DAB1: variants seen among roughly 807,000 people sequenced by gnomAD.
DAB1 encodes DAB adaptor protein 1.
A neutral mutation model predicts 64.6 loss-of-function variants in DAB1; 15 were observed. That is an observed-to-expected ratio of 0.23 (90% CI 0.16 to 0.36). DAB1 has a LOEUF of 0.36. DAB1 is among the 10% of genes least tolerant of loss of function. The probability of loss-of-function intolerance (pLI) is 1.00; values close to 1 mark genes in which losing one functional copy is unlikely to be tolerated. For missense variants in DAB1, 596 were observed against 706.7 expected (o/e 0.84, Z 1.78); for synonymous variants, 235 against 251.9 (o/e 0.93, Z 0.64).
At chr1:58,233,547 A>T (rs1467231076) in intron 4 of DAB1, among the ~76,000 whole-genome samples, 3 of 152,212 alleles carry the variant, frequency 2.0e-5, no homozygotes, top group Non-Finnish European at 4.4e-5. Context: ...GCCCTTACCC[A>T]GGTCTTTTCA....
chr1:58,081,194 C>T (rs958373308), intron 5 of DAB1, among the ~76,000 whole-genome samples: 20 of 152,102 alleles, frequency 1.3e-4, no homozygotes, highest in African/African-American at 4.8e-5. Flanking sequence ...TTTGTATGAC[C>T]CTAAAAAAGT....
At chr1:58,038,717 C>G (rs1570262657) in intron 5 of DAB1, among the ~76,000 whole-genome samples, 1 of 152,164 alleles carries the variant, frequency 6.6e-6, no homozygotes, top group African/African-American at 2.4e-5. Context: ...CACATCAGAT[C>G]TTCAGGGTAG....
At chr1:57,206,418 A>G (rs1665540406) in intron 2 of DAB1, among the ~76,000 whole-genome samples, 1 of 152,194 alleles carries the variant, frequency 6.6e-6, no homozygotes, top group Non-Finnish European at 1.5e-5. Context: ...AAGATTTGTA[A>G]TATGGAAACA....
At chr1:57,804,250 G>A (rs1281720916) in intron 6 of DAB1, among the ~76,000 whole-genome samples, 2 of 152,158 alleles carry the variant, frequency 1.3e-5, no homozygotes, top group Non-Finnish European at 2.9e-5. Flanking sequence ...GAACTTAACC[G>A]TTTTCTTAGG....
intron 6 of DAB1, among the ~76,000 whole-genome samples, chr1:57,795,724 TATATATATATC>T: frequency 8.3e-6 from 1 of 120,110 alleles, no homozygotes; most frequent in Non-Finnish European, 1.7e-5. Flanking sequence ...TATATATATA[TATATATATATC>T]ATACACATGT....
chr1:57,191,587 T>C (rs147369207), intron 2 of DAB1, among the ~76,000 whole-genome samples: 255 of 152,214 alleles, frequency 1.7e-3, no homozygotes, highest in African/African-American at 6.0e-3. Context: ...AAATAGAAAG[T>C]TTAACAGTGT....
intron 6 of DAB1, among the ~76,000 whole-genome samples, chr1:57,657,714 G>T (rs559194528): frequency 6.6e-6 from 1 of 152,260 alleles, no homozygotes; most frequent in Middle Eastern, 3.4e-3. Context: ...CACCCCAAAA[G>T]AATACGTTCA....
At chr1:58,145,077 C>G (rs1654512461) in intron 5 of DAB1, among the ~76,000 whole-genome samples, 1 of 152,300 alleles carries the variant, frequency 6.6e-6, no homozygotes, top group South Asian at 2.1e-4. Flanking sequence ...GAGACGGAAA[C>G]CTTTTGTACT....
intron 2 of DAB1, among the ~76,000 whole-genome samples, chr1:57,246,665 C>T (rs693942): frequency 6.6e-6 from 1 of 151,940 alleles, no homozygotes; most frequent in East Asian, 1.9e-4. Context: ...CCACTGACAG[C>T]TTGCATGTGT....
chr1:57,582,498 C>T (rs1015832233), intron 7 of DAB1, among the ~76,000 whole-genome samples: 1 of 152,216 alleles, frequency 6.6e-6, no homozygotes, highest in Non-Finnish European at 1.5e-5. Context: ...AACTAGATCA[C>T]TTCCCAAAGA....
chr1:58,206,135 G>A (rs1414237378), intron 4 of DAB1, among the ~76,000 whole-genome samples: 2 of 152,196 alleles, frequency 1.3e-5, no homozygotes, highest in South Asian at 2.1e-4. Context: ...CAGGGTGGTC[G>A]AGGCACGGCT....
chr1:57,640,449 A>G (rs1450554113), intron 7 of DAB1, among the ~76,000 whole-genome samples: 1 of 152,068 alleles, frequency 6.6e-6, no homozygotes, highest in Non-Finnish European at 1.5e-5. Context: ...TTTTACAGGT[A>G]AGGGAATTGA....
chr1:57,594,758 C>T (rs1419842399), intron 7 of DAB1, among the ~76,000 whole-genome samples: 5 of 152,140 alleles, frequency 3.3e-5, no homozygotes, highest in South Asian at 2.1e-4. Flanking sequence ...TCACCCAGGC[C>T]GGAGTGCAGT....
intron 7 of DAB1, among the ~76,000 whole-genome samples, chr1:57,552,658 A>G (rs573143476): frequency 1.3e-5 from 2 of 152,188 alleles, no homozygotes; most frequent in African/African-American, 4.8e-5. Flanking sequence ...CAATCAGCTC[A>G]TTGTTACAAA....
At chr1:57,695,290 G>A (rs796830011) in intron 6 of DAB1, among the ~76,000 whole-genome samples, 1,938 of 64,648 alleles carry the variant, frequency 0.03, 533 homozygotes, top group African/African-American at 0.075. Flanking sequence ...GGAAGAAAGG[G>A]AGAGAGAAGG....
At chr1:58,197,636 C>T (rs1339799176) in intron 4 of DAB1, among the ~76,000 whole-genome samples, 4 of 151,540 alleles carry the variant, frequency 2.6e-5, no homozygotes, top group African/African-American at 4.9e-5. Flanking sequence ...CCTCATGATT[C>T]GCCCACCTCA....
intron 3 of DAB1, among the ~76,000 whole-genome samples, chr1:57,144,337 A>C (rs1434968436): frequency 1.3e-5 from 2 of 152,132 alleles, no homozygotes; most frequent in Non-Finnish European, 2.9e-5. Context: ...AATCTGAGAA[A>C]AGTGTTATTT....
chr1:57,696,435 A>G (rs570067409), intron 6 of DAB1, among the ~76,000 whole-genome samples: 25 of 152,066 alleles, frequency 1.6e-4, no homozygotes, highest in African/African-American at 6.0e-4. Flanking sequence ...GGTTGGGAAA[A>G]CCCTTGAAAA....
chr1:57,219,353 T>G (rs561561977), intron 2 of DAB1, among the ~76,000 whole-genome samples: 1 of 152,290 alleles, frequency 6.6e-6, no homozygotes, highest in Admixed American at 6.5e-5. Flanking sequence ...TCAATCAGTA[T>G]GGCTTTAGAA....
Sources: allele counts gnomAD v4.1 joint callset (sites outside exome capture counted in the v4.1 genomes callset), GRCh38; gene constraint gnomAD v4.1.1; transcripts MANE v1.5; gene names NCBI Gene and HGNC (gene_info 2026-07-23, HGNC 2026-07-21).